The following CDKAL1 variants were observed in gnomAD, a reference collection of about 807,000 sequenced individuals.
CDKAL1 encodes the protein CDKAL1 threonylcarbamoyladenosine tRNA methylthiotransferase, also known as threonylcarbamoyladenosine tRNA methylthiotransferase.
CDKAL1 carries 32 observed loss-of-function variants against 68.2 expected under a neutral mutation model. The observed-to-expected ratio is 0.47, with a 90% CI of 0.35 to 0.63. CDKAL1 has a LOEUF of 0.63. CDKAL1 is among the 30% of genes least tolerant of loss of function. CDKAL1 has a pLI of 0.00. For missense variants in CDKAL1, 606 were observed against 696.7 expected (o/e 0.87, Z 1.47); for synonymous variants, 234 against 244.3 (o/e 0.96, Z 0.39).
chr6:20,800,445 G>T (rs1414107495), intron 8 of CDKAL1: 1 of 152,200 alleles, frequency 6.6e-6, no homozygotes, highest in African/African-American at 2.4e-5. Flanking sequence ...TGGTCTGGGA[G>T]TGGGGAAGGG....
chr6:20,712,329 G>T (rs1771884078), intron 5 of CDKAL1, among the ~76,000 whole-genome samples: 1 of 152,238 alleles, frequency 6.6e-6, no homozygotes, highest in African/African-American at 2.4e-5. Context: ...TGACAGCTTA[G>T]TTATCACCTA....
At chr6:21,038,052 CA>C (rs1355668794) in intron 11 of CDKAL1, among the ~76,000 whole-genome samples, 1 of 152,076 alleles carries the variant, frequency 6.6e-6, no homozygotes, top group African/African-American at 2.4e-5. Context: ...TTACTGTCCA[CA>C]AGGAATTTAA....
chr6:20,952,396 T>C (rs796278204), intron 9 of CDKAL1, among the ~76,000 whole-genome samples: 10 of 152,328 alleles, frequency 6.6e-5, no homozygotes, highest in African/African-American at 2.4e-4. Flanking sequence ...CATTTTGGTC[T>C]AAGGCTGTGT....
chr6:20,974,323 T>C (rs1338953039), intron 10 of CDKAL1, among the ~76,000 whole-genome samples: 2 of 152,232 alleles, frequency 1.3e-5, no homozygotes, highest in Non-Finnish European at 2.9e-5. Flanking sequence ...CCAAACTTTG[T>C]TATTTGACCA....
intron 9 of CDKAL1, among the ~76,000 whole-genome samples, chr6:20,847,338 A>AT (rs1186979627): frequency 6.6e-6 from 1 of 152,178 alleles, no homozygotes; most frequent in African/African-American, 2.4e-5. Flanking sequence ...ACTTCCAAGG[A>AT]TTTTTTAAAA....
intron 5 of CDKAL1, among the ~76,000 whole-genome samples, chr6:20,732,933 C>T (rs897152116): frequency 6.6e-6 from 1 of 152,186 alleles, no homozygotes; most frequent in East Asian, 1.9e-4. Flanking sequence ...CATTTCTTCC[C>T]CTTAAAATAA....
rs558225609 is a variant in CDKAL1, at chr6:20,905,874, T to G, written c.743-49545T>G. 9.6e-5 allele frequency among the ~76,000 whole-genome samples: 7 copies of G among 72,808 alleles called. No homozygotes were observed. The South Asian group carries it at 3.8e-3, about 40-fold the overall frequency. 47.8% of individuals were successfully genotyped at this position (72,808 alleles called of 152,430 possible). On this transcript the variant is annotated intron_variant, in intron 9 of 15. Coordinates refer to ENST00000274695, the MANE Select transcript of CDKAL1 (RefSeq NM_017774.3). ...ACGAAACTGTTCTTCATGAGTGAGA[T>G]AGAAAATAAGACATTCTCGGTAAAC...
chr6:20,593,706 T>C (rs1237782015), intron 4 of CDKAL1, among the ~76,000 whole-genome samples: 1 of 152,168 alleles, frequency 6.6e-6, no homozygotes, highest in African/African-American at 2.4e-5. Context: ...AGTTATTTCT[T>C]GTCTTCTGCT....
At chr6:21,200,656 G>C (rs1290855331) in intron 14 of CDKAL1, among the ~76,000 whole-genome samples, 1 of 152,234 alleles carries the variant, frequency 6.6e-6, no homozygotes, top group African/African-American at 2.4e-5. Context: ...CTGTCCAGAA[G>C]TGGCTGGCTG....
intron 13 of CDKAL1, among the ~76,000 whole-genome samples, chr6:21,134,848 G>A (rs1377634350): frequency 6.6e-6 from 1 of 152,056 alleles, no homozygotes; most frequent in Non-Finnish European, 1.5e-5. Flanking sequence ...AATTTCAGAA[G>A]TAAAATTAGT....
intron 5 of CDKAL1, among the ~76,000 whole-genome samples, chr6:20,671,775 T>C (rs1769827615): frequency 6.6e-6 from 1 of 152,134 alleles, no homozygotes; most frequent in African/African-American, 2.4e-5. Context: ...TTGCTCAAGC[T>C]GGATTGCAGT....
rs1352347260 is a variant in CDKAL1 at position 20,913,733 on chromosome 6, TG to T, written c.743-41685del. ...TGATGGCTTATCCCTGTAATCTCAG[TG>T]CTTTGGGAAGCTGAGGCAGAAGGAT... On this transcript the variant is annotated intron_variant, in intron 9 of 15. Coordinates refer to ENST00000274695, the MANE Select transcript of CDKAL1 (RefSeq NM_017774.3). Among the ~76,000 whole-genome samples, 26 of 152,318 alleles carry T rather than the reference TG, an allele frequency of 1.7e-4. No homozygotes were observed. In the Middle Eastern group the frequency reaches 0.014, roughly 80 times the overall value.
At position 20,986,937 on chromosome 6, in the gene CDKAL1, A is replaced by G. The variant is rs1379218753; in HGVS notation, c.910-13290A>G. 2.0e-5 allele frequency among the ~76,000 whole-genome samples: 3 copies of G among 152,216 alleles called. No homozygotes were observed. In the East Asian group the frequency reaches 5.8e-4, roughly 29 times the overall value. ...GAAAGACCTCAAACTGAAAAATGGC[A>G]CGAAGTCTCAATTTTACAGCCATTA... On this transcript the variant is annotated intron_variant, in intron 10 of 15. Transcript: ENST00000274695.
At chr6:21,155,000 CAAA>C (rs70993207) in intron 13 of CDKAL1, among the ~76,000 whole-genome samples, 4 of 142,122 alleles carry the variant, frequency 2.8e-5, no homozygotes, top group African/African-American at 5.2e-5. Flanking sequence ...CCACCCCCCC[CAAA>C]AAAAAAAAAT....
At chr6:20,639,115 T>C (rs905712822) in intron 4 of CDKAL1, among the ~76,000 whole-genome samples, 1 of 152,192 alleles carries the variant, frequency 6.6e-6, no homozygotes, top group Non-Finnish European at 1.5e-5. Flanking sequence ...ATAGCCATAA[T>C]TAATTTTCAA....
intron 8 of CDKAL1, among the ~76,000 whole-genome samples, chr6:20,811,786 A>G (rs77072299): frequency 0.35 from 43,091 of 121,906 alleles, 6,491 homozygotes; most frequent in East Asian, 0.57. Flanking sequence ...ACCTAGTAGT[A>G]AAAAAAAAAA....
At chr6:20,990,013 C>T (rs1300833210) in intron 10 of CDKAL1, among the ~76,000 whole-genome samples, 2 of 152,140 alleles carry the variant, frequency 1.3e-5, no homozygotes, top group Non-Finnish European at 2.9e-5. Flanking sequence ...GAGGCTGAGA[C>T]AGGCAGATCA....
At chr6:20,862,150 A>C (rs1183302799) in intron 9 of CDKAL1, among the ~76,000 whole-genome samples, 1 of 152,248 alleles carries the variant, frequency 6.6e-6, no homozygotes, top group Admixed American at 6.5e-5. Context: ...TTAGGATTAT[A>C]GTTTTAACAA....
intron 12 of CDKAL1, 73 bp from the exon 13 acceptor site, chr6:21,108,326 CAT>C (rs1773951997): frequency 1.8e-5 from 16 of 867,452 alleles, no homozygotes; most frequent in Non-Finnish European, 3.0e-5. Flanking sequence ...TATATACACA[CAT>C]GTATATTTTT....
Sources: allele counts gnomAD v4.1 joint callset (sites outside exome capture counted in the v4.1 genomes callset), GRCh38; gene constraint gnomAD v4.1.1; transcripts MANE v1.5; gene names NCBI Gene and HGNC (gene_info 2026-07-23, HGNC 2026-07-21).